KCNQ4: variants seen among roughly 807,000 people sequenced by gnomAD.
The protein encoded by KCNQ4 is potassium voltage-gated channel subfamily Q member 4.
A neutral mutation model predicts 72.6 loss-of-function variants in KCNQ4; 31 were observed. That is an observed-to-expected ratio of 0.43 (90% CI 0.32 to 0.58). KCNQ4 has a LOEUF of 0.58. Among genes scored for constraint, KCNQ4 ranks in the 20% least tolerant of loss-of-function variants. The pLI is 0.08. For missense variants in KCNQ4, 869 were observed against 962.6 expected, an observed-to-expected ratio of 0.90 and a Z score of 1.29; for synonymous variants, 405 against 403.7, an observed-to-expected ratio of 1.00 and a Z score of -0.04.
Position 40,788,443 on chromosome 1 carries a change from T to A in KCNQ4, c.314+4036T>A, listed in dbSNP as rs150142391. ...GTCTGAAATGAAATCTCTGGTTGTG[T>A]GTGCAGCACCAACTATGCACAGGGC... On this transcript the variant is annotated intron_variant, in intron 1 of 13. Coordinates refer to ENST00000347132, the MANE Select transcript of KCNQ4 (RefSeq NM_004700.4). This position sits in a 1 kb window ranked among gnomAD's most constrained non-coding sequence, Gnocchi z 4.5. Among the ~76,000 whole-genome samples the A allele has an allele frequency of 9.2e-5, 14 of 152,332 alleles. No homozygotes were observed. Among genetic ancestry groups the A allele is most frequent in the South Asian group, 2.1e-4 (1 of 4,826 alleles).
chr1:40,820,701 T>C (rs1343939791), intron 7 of KCNQ4, among the ~76,000 whole-genome samples: 4 of 152,192 alleles, frequency 2.6e-5, no homozygotes, highest in Non-Finnish European at 5.9e-5. Context: ...GACAGGGCTT[T>C]TAGGAATCTC....
chr1:40,837,756 A>G lies in KCNQ4; in HGVS notation c.1837A>G (p.Ile613Val), dbSNP rs778358686. Residue 613 changes from isoleucine (I) to valine (V), a missense_variant, in exon 13 of 14, where the codon ATC becomes GTC. By Grantham distance (29) the Ile-to-Val change is conservative. Transcript: ENST00000347132. ...CTCCGACGCGGAGGTGGTGGATGAA[A>G]TCAGCATGATGGGACGCGTGGTCAA... ...GPSDAEVVDEISMMGRVVKVE... is the reference protein window; with the variant it reads ...GPSDAEVVDEVSMMGRVVKVE... The G allele has an allele frequency of 8.1e-6, 13 of 1,612,094 alleles. No individual in the cohort carries two copies. Among genetic ancestry groups the G allele is most frequent in the African/African-American group, 1.3e-5 (1 of 74,868 alleles).
chr1:40,796,789 G>A (rs1362987366), intron 1 of KCNQ4, among the ~76,000 whole-genome samples: 4 of 152,052 alleles, frequency 2.6e-5, no homozygotes, highest in African/African-American at 7.2e-5. Context: ...GTGATGGTGC[G>A]CACCTATAGT....
rs760726620 is a variant in KCNQ4, at chr1:40,833,113, G to C, written c.1613G>C (p.Arg538Thr). Reference sequence around the variant, plus strand: ...GTGAAGACAGTCATCCGCTCCATCAGGTAAGACTGAGGCCTGAGGCGAGCA... The same window carrying C: ...GTGAAGACAGTCATCCGCTCCATCACGTAAGACTGAGGCCTGAGGCGAGCA... ...PAVKTVIRSI[R>T]ILKFLVAKRK... The change falls in exon 11 of 14, where the codon AGG becomes ACG. Residue 538 changes from arginine to threonine, a missense_variant and splice_region_variant. By Grantham distance (71) the Arg-to-Thr change is moderately conservative. Transcript: ENST00000347132. 1 of 1,609,378 alleles carries C rather than the reference G, an allele frequency of 6.2e-7. No homozygotes were observed. Among genetic ancestry groups the C allele is most frequent in the South Asian group, 1.1e-5 (1 of 91,040 alleles).
intron 9 of KCNQ4, among the ~76,000 whole-genome samples, chr1:40,830,550 ATG>A (rs2148329294): frequency 6.6e-6 from 1 of 152,230 alleles, no homozygotes; most frequent in Admixed American, 6.5e-5. Flanking sequence ...ACACTCGCAC[ATG>A]TGTGTGCACA....
intron 7 of KCNQ4, among the ~76,000 whole-genome samples, chr1:40,821,146 G>C (rs1433334252): frequency 6.6e-6 from 1 of 152,186 alleles, no homozygotes; most frequent in African/African-American, 2.4e-5. Context: ...TGTCCCCTGG[G>C]AGCTGGCCTT....
At chr1:40,818,815 C>A in intron 4 of KCNQ4, 135 bp downstream of exon 4, 1 of 1,015,870 alleles carries the variant, frequency 9.8e-7, no homozygotes, top group Non-Finnish European at 1.5e-6. Flanking sequence ...GGTTGGAGCC[C>A]TAGCAGGAGG....
At chr1:40,814,046 CTTTTTTTTTTTTT>C (rs35243800) in intron 1 of KCNQ4, among the ~76,000 whole-genome samples, 10 of 52,708 alleles carry the variant, frequency 1.9e-4, no homozygotes, top group African/African-American at 4.0e-4. Context: ...TGCGCCCGGC[CTTTTTTTTTTTTT>C]TTTTTTTTTT....
rs745565827 is a variant in KCNQ4 at position 40,822,277 on chromosome 1, A to T, written c.1042-37A>T. ...GGGCTGGTGGGGACTGAGAGGCCTC[A>T]CTGATGCCCCATCCCCCACGTCCCC... On this transcript the variant is annotated intron_variant, in intron 7 of 13. Transcript: ENST00000347132. 1.9e-6 allele frequency: 3 copies of T among 1,542,154 alleles called. No individual in the cohort carries two copies. The South Asian group carries it at 3.3e-5, about 17-fold the overall frequency.
Position 40,817,855 on chromosome 1 carries a change from C to T in KCNQ4, c.406-309C>T, listed in dbSNP as rs1648144838. Among the ~76,000 whole-genome samples, 1 of 152,214 alleles carries T rather than the reference C, an allele frequency of 6.6e-6. No homozygotes were observed. Among genetic ancestry groups the T allele is most frequent in the Admixed American group, 6.5e-5 (1 of 15,292 alleles). On this transcript the variant is annotated intron_variant, in intron 2 of 13. Coordinates refer to ENST00000347132, the MANE Select transcript of KCNQ4 (RefSeq NM_004700.4). The surrounding 1 kb of genome is among the most constrained non-coding windows in gnomAD (Gnocchi z 5.5). ...AGGGAGACAGCTGACAGCCAGCAACCCCTTTTGTCACCAGGTCAGAGTTAG... is the reference window on the plus strand; with the variant it reads ...AGGGAGACAGCTGACAGCCAGCAACTCCTTTTGTCACCAGGTCAGAGTTAG...
intron 9 of KCNQ4, among the ~76,000 whole-genome samples, chr1:40,826,359 T>A (rs969506694): frequency 1.3e-5 from 2 of 152,220 alleles, no homozygotes; most frequent in African/African-American, 2.4e-5. Flanking sequence ...GGAGTGTTTG[T>A]TCAAAATGCA....
chr1:40,802,196 T>C (rs1647593108), intron 1 of KCNQ4, among the ~76,000 whole-genome samples: 1 of 152,112 alleles, frequency 6.6e-6, no homozygotes, highest in Non-Finnish European at 1.5e-5. Context: ...AGGTCACACG[T>C]GAAACTACCT....
At chr1:40,837,879 G>A (rs1356425776) in intron 13 of KCNQ4, 85 bp downstream of exon 13, 19 of 1,530,266 alleles carry the variant, frequency 1.2e-5, no homozygotes, top group Non-Finnish European at 1.5e-5. Context: ...GTTTCCCACA[G>A]CCACAGCCCA....
intron 1 of KCNQ4, among the ~76,000 whole-genome samples, chr1:40,811,056 T>C (rs900418368): frequency 2.0e-5 from 3 of 152,200 alleles, no homozygotes; most frequent in African/African-American, 7.2e-5. Flanking sequence ...CACCACAGTA[T>C]ACGCCTCTGA....
chr1:40,806,733 A>G (rs1647774259), intron 1 of KCNQ4, among the ~76,000 whole-genome samples: 1 of 152,236 alleles, frequency 6.6e-6, no homozygotes, highest in Admixed American at 6.5e-5. Flanking sequence ...CAGAAAGCAC[A>G]TTTTGGATTC....
rs976194555 is a variant in KCNQ4, at chr1:40,788,270, G to A, written c.314+3863G>A. ...GAAAACTGAGGCTCTGGAGACCAAA[G>A]TCACCTGGGAAATGAGTAGCAGATA... On this transcript the variant is annotated intron_variant, in intron 1 of 13. Coordinates refer to ENST00000347132, the MANE Select transcript of KCNQ4 (RefSeq NM_004700.4). This position sits in a 1 kb window ranked among gnomAD's most constrained non-coding sequence, Gnocchi z 4.5. Among the ~76,000 whole-genome samples, 3 of 152,218 alleles carry A rather than the reference G, an allele frequency of 2.0e-5. No individual in the cohort carries two copies. The highest frequency in any genetic ancestry group is 2.9e-5 in the Non-Finnish European group (2 of 68,046).
At chr1:40,801,529 C>T (rs928845301) in intron 1 of KCNQ4, among the ~76,000 whole-genome samples, 4 of 152,230 alleles carry the variant, frequency 2.6e-5, no homozygotes, top group African/African-American at 7.2e-5. Context: ...GCACCAGGCC[C>T]TGCACTAGGT....
Position 40,783,826 on chromosome 1 carries a change from G to C in KCNQ4, c.-268G>C, listed in dbSNP as rs1027450378. On this transcript the variant is annotated 5_prime_UTR_variant, in exon 1 of 14. Coordinates refer to ENST00000347132, the MANE Select transcript of KCNQ4 (RefSeq NM_004700.4). This position sits in a 1 kb window ranked among gnomAD's most constrained non-coding sequence, Gnocchi z 4.4. ...GCGCGCCGGTGGCAGGTGGAAAGGC[G>C]AGCGGCATGGAGCGCGTAATAAGAG... 1 of 152,022 alleles carries C rather than the reference G, an allele frequency of 6.6e-6. No homozygotes were observed. The highest frequency in any genetic ancestry group is 2.4e-5 in the African/African-American group (1 of 41,366). 9.4% of individuals were successfully genotyped at this position (152,022 alleles called of 1,614,324 possible).
Position 40,784,133 on chromosome 1 carries a change from C to A in KCNQ4, c.40C>A (p.Pro14Thr). The A allele has an allele frequency of 1.0e-6, 1 of 972,772 alleles. No homozygotes were observed. Among genetic ancestry groups the A allele is most frequent in the Non-Finnish European group, 1.2e-6 (1 of 801,052 alleles). The allele number at this position is 972,772 out of a possible 1,614,324, so 60.3% of individuals were successfully genotyped here. The part of the protein sequence containing the change: ...APPRRLGLGP[P>T]PGDAPRAELV... Reference sequence around the variant, plus strand: ...CCCGCGCCGCCTCGGCCTGGGTCCCCCGCCCGGGGACGCCCCCCGCGCGGA... The same window carrying A: ...CCCGCGCCGCCTCGGCCTGGGTCCCACGCCCGGGGACGCCCCCCGCGCGGA... Residue 14 changes from proline to threonine, a missense_variant, in exon 1 of 14, where the codon CCG becomes ACG. By Grantham distance (38) the Pro-to-Thr change is conservative (BLOSUM62 -1). Around this residue, in one of 5 missense-constraint regions of KCNQ4, gnomAD observed 178 missense variants for 145.3 expected, o/e 1.22. Coordinates refer to ENST00000347132, the MANE Select transcript of KCNQ4 (RefSeq NM_004700.4). The surrounding 1 kb of genome is among the most constrained non-coding windows in gnomAD (Gnocchi z 4.1).
Sources: allele counts gnomAD v4.1 joint callset (sites outside exome capture counted in the v4.1 genomes callset), GRCh38; gene constraint gnomAD v4.1.1; regional missense constraint gnomAD v4.1.1; non-coding constraint Gnocchi (gnomAD v3.1); transcripts MANE v1.5; gene names NCBI Gene and HGNC (gene_info 2026-07-23, HGNC 2026-07-21).